CNTNAP2: variants seen among roughly 807,000 people sequenced by gnomAD.
CNTNAP2 encodes contactin associated protein 2, also known as contactin-associated protein-like 2.
In CNTNAP2, 98 loss-of-function variants were observed where a neutral mutation model predicts 155.2. That is an observed-to-expected ratio of 0.63 (90% confidence interval 0.54 to 0.75). CNTNAP2 has a LOEUF of 0.75. CNTNAP2 is among the 30% of genes least tolerant of loss of function. The pLI, the probability that CNTNAP2 is intolerant of heterozygous loss-of-function variation, is 0.00. For synonymous variants in CNTNAP2, 651 were observed against 631.2 expected, an observed-to-expected ratio of 1.03 and a Z score of -0.47; for missense variants, 1,727 against 1,688.1, an observed-to-expected ratio of 1.02 and a Z score of -0.40.
intron 1 of CNTNAP2, among the ~76,000 whole-genome samples, chr7:146,342,185 A>T (rs1422949401): frequency 1.3e-5 from 2 of 152,118 alleles, no homozygotes; most frequent in Non-Finnish European, 2.9e-5. Flanking sequence ...CCTGTGGAAG[A>T]TTATTCTTCA....
At chr7:147,012,125 G>A (rs1798638935) in intron 3 of CNTNAP2, among the ~76,000 whole-genome samples, 1 of 152,100 alleles carries the variant, frequency 6.6e-6, no homozygotes, top group Non-Finnish European at 1.5e-5. Flanking sequence ...TTTGTTATAG[G>A]AATGTCAGTC....
intron 22 of CNTNAP2, among the ~76,000 whole-genome samples, chr7:148,397,227 C>T (rs563613872): frequency 4.6e-5 from 7 of 152,362 alleles, no homozygotes; most frequent in Admixed American, 1.3e-4. Context: ...GTGCACAACC[C>T]TGGCTGCACA....
intron 8 of CNTNAP2, among the ~76,000 whole-genome samples, chr7:147,188,219 A>T (rs780599526): frequency 8.5e-5 from 13 of 152,352 alleles, no homozygotes; most frequent in Admixed American, 2.6e-4. Flanking sequence ...ACAAGAGTTT[A>T]ACATAAACAA....
At chr7:147,633,611 A>G (rs1409693614) in intron 12 of CNTNAP2, among the ~76,000 whole-genome samples, 1 of 152,148 alleles carries the variant, frequency 6.6e-6, no homozygotes, top group Non-Finnish European at 1.5e-5. Flanking sequence ...AGGTCCCATA[A>G]TCCTATGCGA....
In CNTNAP2 at chr7:147,167,668, A is replaced by T. The variant is rs879000642; in HGVS notation, c.1348+35159A>T. 5 of 377,522 alleles carry T rather than the reference A, an allele frequency of 1.3e-5. No individual in the cohort carries two copies. The South Asian group carries it at 2.6e-4, about 19-fold the overall frequency. 23.4% of individuals were successfully genotyped at this position (377,522 alleles called of 1,614,324 possible). On this transcript the variant is annotated intron_variant, in intron 8 of 23. Transcript: ENST00000361727. ...GGAGCAGGGTATGGGCCACCTTATT[A>T]TTATCTAGCTAGGTGGGGCATGTGG...
chr7:146,334,439 A>AC (rs1563043254), intron 1 of CNTNAP2, among the ~76,000 whole-genome samples: 1 of 151,830 alleles, frequency 6.6e-6, no homozygotes. Context: ...TCAAAAAAAA[A>AC]AAAAAAAAGC....
chr7:146,377,078 G>A (rs928589652), intron 1 of CNTNAP2, among the ~76,000 whole-genome samples: 1 of 152,034 alleles, frequency 6.6e-6, no homozygotes, highest in Non-Finnish European at 1.5e-5. Flanking sequence ...CAGCACAAAT[G>A]GTCTCATACA....
chr7:147,032,035 A>G lies in CNTNAP2; in HGVS notation c.403-11872A>G, dbSNP rs578065802. ...GGGATTGATGAGACTAATTTCTGGG[A>G]TAATAAAATGTTCTATATCTTGATA... On this transcript the variant is annotated intron_variant, in intron 3 of 23. Coordinates refer to ENST00000361727, the MANE Select transcript of CNTNAP2 (RefSeq NM_014141.6). Among the ~76,000 whole-genome samples, 3 of 152,364 alleles carry G rather than the reference A, an allele frequency of 2.0e-5. No individual in the cohort carries two copies. The East Asian group carries it at 5.8e-4, about 29-fold the overall frequency.
At chr7:147,026,313 T>A (rs528945949) in intron 3 of CNTNAP2, among the ~76,000 whole-genome samples, 4 of 152,302 alleles carry the variant, frequency 2.6e-5, no homozygotes, top group African/African-American at 7.2e-5. Context: ...GAAATGACAG[T>A]AGAATACTAA....
chr7:146,384,510 T>G (rs1795433299), intron 1 of CNTNAP2, among the ~76,000 whole-genome samples: 1 of 152,200 alleles, frequency 6.6e-6, no homozygotes, highest in Non-Finnish European at 1.5e-5. Flanking sequence ...CAGATTTTAT[T>G]TTGAGCTACC....
intron 10 of CNTNAP2, among the ~76,000 whole-genome samples, chr7:147,430,865 C>T (rs1275374937): frequency 6.6e-6 from 1 of 151,942 alleles, no homozygotes; most frequent in African/African-American, 2.4e-5. Context: ...GAGATCGAGA[C>T]CATCCTGGCT....
chr7:146,512,998 TTA>T (rs1797490058), intron 1 of CNTNAP2, among the ~76,000 whole-genome samples: 2 of 151,958 alleles, frequency 1.3e-5, no homozygotes, highest in African/African-American at 4.8e-5. Context: ...TTTACAATTG[TTA>T]TATCCTCTTG....
At chr7:146,481,862 A>G (rs1437384096) in intron 1 of CNTNAP2, among the ~76,000 whole-genome samples, 1 of 152,156 alleles carries the variant, frequency 6.6e-6, no homozygotes, top group African/African-American at 2.4e-5. Context: ...ATTTACTTGA[A>G]TTTGACTTTG....
chr7:147,435,013 T>G (rs1797528021), intron 10 of CNTNAP2, among the ~76,000 whole-genome samples: 1 of 152,216 alleles, frequency 6.6e-6, no homozygotes, highest in Non-Finnish European at 1.5e-5. Context: ...AGCTTTATTT[T>G]CTGAATTTGA....
intron 1 of CNTNAP2, among the ~76,000 whole-genome samples, chr7:146,731,080 A>G (rs1008271574): frequency 6.6e-6 from 1 of 152,160 alleles, no homozygotes; most frequent in Non-Finnish European, 1.5e-5. Context: ...AGATGAGAAA[A>G]CTGAGCATTG....
Position 147,619,372 on chromosome 7 carries a change from C to T in CNTNAP2, c.1898-19734C>T, listed in dbSNP as rs539213597. ...AAGGAAAATCTGTAGAGTGTAAATACATGTTTTGTTCTAGATGGTGGACAC... is the reference window on the plus strand; with the variant it reads ...AAGGAAAATCTGTAGAGTGTAAATATATGTTTTGTTCTAGATGGTGGACAC... On this transcript the variant is annotated intron_variant, in intron 12 of 23. Coordinates refer to ENST00000361727, the MANE Select transcript of CNTNAP2 (RefSeq NM_014141.6). Among the ~76,000 whole-genome samples the T allele has an allele frequency of 1.9e-3, 294 of 152,242 alleles. 1 individual carries two copies. The highest frequency in any genetic ancestry group is 6.5e-3 in the African/African-American group (271 of 41,526).
intron 11 of CNTNAP2, among the ~76,000 whole-genome samples, chr7:147,495,675 T>C (rs1422709475): frequency 6.6e-6 from 1 of 152,226 alleles, no homozygotes; most frequent in Non-Finnish European, 1.5e-5. Context: ...TGGGTGAAGC[T>C]GGCCCAGAAG....
At chr7:146,952,722 G>C (rs1447372295) in intron 3 of CNTNAP2, among the ~76,000 whole-genome samples, 18 of 151,984 alleles carry the variant, frequency 1.2e-4, no homozygotes, top group Admixed American at 1.2e-3. Context: ...AACTTACAAG[G>C]GATGTGAAGG....
chr7:146,353,014 C>A (rs979452216), intron 1 of CNTNAP2, among the ~76,000 whole-genome samples: 24 of 151,714 alleles, frequency 1.6e-4, no homozygotes, highest in Non-Finnish European at 2.2e-4. Flanking sequence ...TCGGCCTCCC[C>A]AAGTGCTGGG....
Sources: allele counts gnomAD v4.1 joint callset (sites outside exome capture counted in the v4.1 genomes callset), GRCh38; gene constraint gnomAD v4.1.1; transcripts MANE v1.5; gene names NCBI Gene and HGNC (gene_info 2026-07-23, HGNC 2026-07-21).